Variants in CNGB1 observed in about 807,000 individuals in gnomAD.
The protein encoded by CNGB1 is cyclic nucleotide gated channel subunit beta 1, also known as cyclic nucleotide-gated channel beta-1.
In CNGB1, 126 loss-of-function variants were observed where a neutral mutation model predicts 151.7. The observed-to-expected ratio is 0.83, with a 90% CI of 0.72 to 0.96. CNGB1 has a LOEUF of 0.96. CNGB1 is among the 40% of genes least tolerant of loss of function. CNGB1 has a pLI of 0.00. For synonymous variants in CNGB1, 623 were observed against 635.1 expected, an observed-to-expected ratio of 0.98 and a Z score of 0.29; for missense variants, 1,698 against 1,627.0, an observed-to-expected ratio of 1.04 and a Z score of -0.75.
intron 17 of CNGB1, among the ~76,000 whole-genome samples, chr16:57,928,365 A>T (rs1410062521): frequency 6.6e-6 from 1 of 152,192 alleles, no homozygotes; most frequent in Non-Finnish European, 1.5e-5. Flanking sequence ...ACAAGAGGGG[A>T]TTTGTTAAGT....
At chr16:57,937,007 C>G (rs555254350) in intron 16 of CNGB1, 1 of 152,380 alleles carries the variant, frequency 6.6e-6, no homozygotes, top group Non-Finnish European at 1.5e-5. Context: ...ACTATGACCA[C>G]AGCACCCAGG....
chr16:57,896,275 G>A (rs1217000099), intron 31 of CNGB1, among the ~76,000 whole-genome samples: 1 of 152,164 alleles, frequency 6.6e-6, no homozygotes, highest in African/African-American at 2.4e-5. Flanking sequence ...CATCGATATT[G>A]GGAGTAAATG....
chr16:57,968,753 G>A (rs1237922786), intron 1 of CNGB1, among the ~76,000 whole-genome samples: 1 of 152,004 alleles, frequency 6.6e-6, no homozygotes, highest in East Asian at 1.9e-4. Context: ...TGGGCTGGGT[G>A]CAGAGGCTCA....
intron 14 of CNGB1, among the ~76,000 whole-genome samples, chr16:57,940,775 A>G (rs116864900): frequency 0.065 from 9,950 of 152,206 alleles, 456 homozygotes; most frequent in Non-Finnish European, 0.089. Flanking sequence ...AGGTGAAGTG[A>G]CCTGGCAAAA....
intron 22 of CNGB1, among the ~76,000 whole-genome samples, chr16:57,915,603 G>T (rs1277101999): frequency 6.6e-6 from 1 of 152,138 alleles, no homozygotes; most frequent in Non-Finnish European, 1.5e-5. Context: ...CAGACACAAT[G>T]AAAGGTGGCT....
chr16:57,967,597 G>A (rs530851834), intron 1 of CNGB1, among the ~76,000 whole-genome samples: 4 of 152,280 alleles, frequency 2.6e-5, no homozygotes, highest in South Asian at 2.1e-4. Context: ...TCAGGAGGCT[G>A]AGGTGGGAGG....
rs1475749399 is a variant in CNGB1 at position 57,920,472 on chromosome 16, C to A, written c.1716G>T (p.Val572=). The change falls in exon 19 of 33, where the codon GTG becomes GTT. Residue 572 remains valine, a synonymous_variant. Transcript: ENST00000251102. The stretch of plus-strand genomic sequence containing the variant: ...TCTCTGTCCGCTCCTTGAAGAGCTT[C>A]ACCAGCTCCTGGAGCCGGTCGTTGA... The part of the protein sequence containing the change: ...AIINDRLQEL[V]KLFKERTEKV... 1 of 1,614,184 alleles carries A rather than the reference C, an allele frequency of 6.2e-7. No individual in the cohort carries two copies. The highest frequency in any genetic ancestry group is 8.5e-7 in the Non-Finnish European group (1 of 1,180,046).
intron 20 of CNGB1, 69 bp downstream of exon 20, chr16:57,919,029 TC>T (rs1960954876): frequency 6.2e-7 from 1 of 1,609,686 alleles, no homozygotes; most frequent in Admixed American, 1.7e-5. Flanking sequence ...CCTGACCCTC[TC>T]CCCATCCCGC....
intron 2 of CNGB1, among the ~76,000 whole-genome samples, chr16:57,966,679 A>G (rs1409940351): frequency 6.6e-6 from 1 of 152,234 alleles, no homozygotes; most frequent in Non-Finnish European, 1.5e-5. Context: ...CTAGTAATAA[A>G]CAGTTCATGG....
intron 22 of CNGB1, among the ~76,000 whole-genome samples, chr16:57,915,632 C>T (rs2149363852): frequency 6.6e-6 from 1 of 152,282 alleles, no homozygotes; most frequent in Non-Finnish European, 1.5e-5. Context: ...GGCACGGTGG[C>T]TTATGCCTGT....
chr16:57,901,627 T>C lies in CNGB1; in HGVS notation c.2795-2A>G, dbSNP rs776981050. ...GCTGCACCATCAGCTCTGACTCATC[T>C]GTGAACAAGGCCTGGCAAGGGTCAG... On this transcript the variant is annotated splice_acceptor_variant, in intron 27 of 32. Coordinates refer to ENST00000251102, the MANE Select transcript of CNGB1 (RefSeq NM_001297.5). LOFTEE classifies it high-confidence loss of function. 1 of 1,613,480 alleles carries C rather than the reference T, an allele frequency of 6.2e-7. No individual in the cohort carries two copies. Among genetic ancestry groups the C allele is most frequent in the South Asian group, 1.1e-5 (1 of 91,022 alleles).
chr16:57,963,136 C>G (rs1176924239), intron 4 of CNGB1, 72 bp from the exon 5 acceptor site: 8 of 1,096,986 alleles, frequency 7.3e-6, no homozygotes, highest in Non-Finnish European at 9.8e-6. Flanking sequence ...GCCCAAGACA[C>G]TAGGTGAGTC....
rs760430056 is a variant in CNGB1 at position 57,904,823 on chromosome 16, G to GC, written c.2544dup (p.Leu849AlafsTer3). Reference sequence around the variant, plus strand: ...TCAAAGAGTGTCTTGGGGTCAGGCAGCCCCCCGATGGTGATGAGGGTCTTC... The same window carrying GC: ...TCAAAGAGTGTCTTGGGGTCAGGCAGCCCCCCCGATGGTGATGAGGGTCTTC... On this transcript the variant is annotated frameshift_variant, in exon 26 of 33. Coordinates refer to ENST00000251102, the MANE Select transcript of CNGB1 (RefSeq NM_001297.5). LOFTEE classifies it high-confidence loss of function. 191 of 1,614,004 alleles carry GC rather than the reference G, an allele frequency of 1.2e-4. No individual in the cohort carries two copies. The highest frequency in any genetic ancestry group is 1.5e-4 in the Non-Finnish European group (182 of 1,180,024).
Position 57,903,996 on chromosome 16 carries a change from A to T in CNGB1, c.2635-15T>A. 2 of 1,612,136 alleles carry T rather than the reference A, an allele frequency of 1.2e-6. No homozygotes were observed. Among genetic ancestry groups the T allele is most frequent in the Non-Finnish European group, 1.7e-6 (2 of 1,179,244 alleles). ...ACATCTCTCATCTGGGGGAAGGGTT[A>T]TGGGAGGTCAAGGAAGCCACTGGGT... On this transcript the variant is annotated splice_polypyrimidine_tract_variant and intron_variant, in intron 26 of 32. Coordinates refer to ENST00000251102, the MANE Select transcript of CNGB1 (RefSeq NM_001297.5).
At chr16:57,904,079 G>T in intron 26 of CNGB1, 98 bp from the exon 27 acceptor site, 1 of 1,124,938 alleles carries the variant, frequency 8.9e-7, no homozygotes, top group Non-Finnish European at 1.3e-6. Flanking sequence ...ACAGACCACG[G>T]GCATGTGCTC....
At chr16:57,938,089 A>G (rs1453048219) in intron 16 of CNGB1, among the ~76,000 whole-genome samples, 2 of 152,204 alleles carry the variant, frequency 1.3e-5, no homozygotes, top group African/African-American at 2.4e-5. Context: ...GGGTTACGCC[A>G]AAGCTGCTGG....
At chr16:57,910,899 G>A (rs954489472) in intron 25 of CNGB1, among the ~76,000 whole-genome samples, 15 of 152,240 alleles carry the variant, frequency 9.9e-5, no homozygotes, top group African/African-American at 2.9e-4. Flanking sequence ...TACCACGGGC[G>A]TGTCCTTAAC....
chr16:57,959,788 G>T, intron 10 of CNGB1, 100 bp downstream of exon 10: 1 of 1,386,562 alleles, frequency 7.2e-7, no homozygotes, highest in Non-Finnish European at 9.4e-7. Flanking sequence ...CACACATCCA[G>T]TTGAATTTTC....
Position 57,940,972 on chromosome 16 carries a change from C to T in CNGB1, c.1122-651G>A, listed in dbSNP as rs115954185. The stretch of plus-strand genomic sequence containing the variant: ...GGCAGGGAGGGCTGTGGCAAATTAG[C>T]GAACCCATGTCCATTTGAAGGCAGC... On this transcript the variant is annotated intron_variant, in intron 14 of 32. Coordinates refer to ENST00000251102, the MANE Select transcript of CNGB1 (RefSeq NM_001297.5). Among the ~76,000 whole-genome samples the T allele has an allele frequency of 5.9e-3, 905 of 152,138 alleles. 11 individuals are homozygous for T. Among genetic ancestry groups the T allele is most frequent in the African/African-American group, 0.02 (850 of 41,488 alleles).
Sources: gnomAD v4.1 joint callset for allele counts (sites outside exome capture counted in the v4.1 genomes callset) on GRCh38, gnomAD v4.1.1 for gene constraint, MANE v1.5 for transcripts, NCBI Gene and HGNC (gene_info 2026-07-23, HGNC 2026-07-21) for gene names.